Variants in TXLNB observed in about 807,000 individuals in gnomAD.
TXLNB encodes beta-taxilin.
Under a neutral mutation model 57.4 loss-of-function variants are expected in TXLNB, and 37 were observed. The ratio of observed to expected loss-of-function variants is 0.64; its 90% CI spans 0.50 to 0.85. The LOEUF is 0.85. TXLNB is among the 40% of genes least tolerant of loss of function. The pLI is 0.00. For missense variants in TXLNB, 848 were observed against 825.6 expected, an observed-to-expected ratio of 1.03 and a Z score of -0.33; for synonymous variants, 302 against 309.6, an observed-to-expected ratio of 0.98 and a Z score of 0.26.
the TXLNB span, among the ~76,000 whole-genome samples, chr6:139,308,631 T>G: frequency 2.6e-5 from 4 of 152,220 alleles, no homozygotes. Flanking sequence ...TTGTTCATAC[T>G]TACATTACAT....
intron 1 of TXLNB, 105 bp from the exon 2 acceptor site, chr6:139,289,018 T>G: frequency 1.2e-6 from 1 of 808,442 alleles, no homozygotes; most frequent in Non-Finnish European, 1.9e-6. Context: ...CAACTAATTA[T>G]AGTCTCTAAC....
upstream of TXLNB, among the ~76,000 whole-genome samples, chr6:139,295,450 A>G (rs956364559): frequency 1.3e-5 from 2 of 152,238 alleles, no homozygotes; most frequent in African/African-American, 4.8e-5. Context: ...ATCACAGGAA[A>G]ATAATTTGAA....
the TXLNB span, among the ~76,000 whole-genome samples, chr6:139,321,988 C>A: frequency 6.9e-6 from 1 of 145,778 alleles, no homozygotes; most frequent in Non-Finnish European, 1.5e-5. Context: ...TTAAGATAGG[C>A]AGAGTTTTAC....
the TXLNB span, among the ~76,000 whole-genome samples, chr6:139,299,860 A>G: frequency 6.6e-6 from 1 of 152,108 alleles, no homozygotes; most frequent in Admixed American, 6.5e-5. Flanking sequence ...AGACAGTACT[A>G]CTTGCCAATA....
At chr6:139,174,366 T>C in the TXLNB span, 1 of 1,607,904 alleles carries the variant, frequency 6.2e-7, no homozygotes, top group African/African-American at 1.3e-5. Context: ...ACTCAGAGCC[T>C]TGTGTCTTCT....
chr6:139,214,365 C>A, the TXLNB span, among the ~76,000 whole-genome samples: 8 of 152,252 alleles, frequency 5.3e-5, no homozygotes, highest in Admixed American at 5.2e-4. Flanking sequence ...CAAACAGAAC[C>A]AAAGACAAAA....
At chr6:139,201,536 C>T in the TXLNB span, 2 of 152,192 alleles carry the variant, frequency 1.3e-5, no homozygotes, top group African/African-American at 4.8e-5. Context: ...ACTGCTCCAA[C>T]ATGCCTCTGG....
the TXLNB span, among the ~76,000 whole-genome samples, chr6:139,182,734 G>A: frequency 4.6e-5 from 7 of 152,118 alleles, no homozygotes; most frequent in African/African-American, 1.7e-4. Context: ...TATTTTTAAG[G>A]CATATTTTTT....
rs888882143 is a variant in TXLNB at position 139,242,876 on chromosome 6, T to C, written c.1705A>G (p.Ser569Gly). 2 of 1,614,126 alleles carry C rather than the reference T, an allele frequency of 1.2e-6. No homozygotes were observed. Among genetic ancestry groups the C allele is most frequent in the African/African-American group, 1.3e-5 (1 of 75,034 alleles). ...LTPQAEAEGG[S>G]DAEPPSKASN... is the part of the protein sequence containing the mutation. ...GCCTTGGAGGGAGGTTCAGCATCAC[T>C]GCCTCCTTCGGCTTCAGCCTGAGGA... Residue 569 changes from serine (S) to glycine (G), a missense_variant, in exon 10 of 10, where the codon AGT becomes GGT. Physicochemically the swap from Ser to Gly is moderately conservative, Grantham distance 56 (BLOSUM62 0). Transcript: ENST00000358430.
the TXLNB span, among the ~76,000 whole-genome samples, chr6:139,193,998 C>CG: frequency 1.3e-5 from 2 of 150,506 alleles, no homozygotes; most frequent in South Asian, 4.2e-4. Flanking sequence ...CCCGCCACCA[C>CG]GCCCGGCCAA....
the TXLNB span, among the ~76,000 whole-genome samples, chr6:139,214,383 G>A: frequency 6.6e-6 from 1 of 152,166 alleles, no homozygotes; most frequent in African/African-American, 2.4e-5. Context: ...AAAACCACAT[G>A]ATTATCTCAA....
chr6:139,191,958 G>A, the TXLNB span, among the ~76,000 whole-genome samples: 1 of 152,174 alleles, frequency 6.6e-6, no homozygotes, highest in Non-Finnish European at 1.5e-5. Flanking sequence ...TCTTCTGTGA[G>A]CAGCTAAGCA....
At chr6:139,183,625 T>C in the TXLNB span, 18 of 152,192 alleles carry the variant, frequency 1.2e-4, no homozygotes, top group African/African-American at 2.2e-4. Context: ...TTACCAGATA[T>C]GTTAATAAGA....
the TXLNB span, among the ~76,000 whole-genome samples, chr6:139,221,605 G>A: frequency 0.015 from 2,313 of 152,128 alleles, 48 homozygotes; most frequent in African/African-American, 0.052. Context: ...ATGATCGGAC[G>A]TGGAGTTTAA....
At chr6:139,226,302 C>CAAAAA in the TXLNB span, among the ~76,000 whole-genome samples, 295 of 39,052 alleles carry the variant, frequency 7.6e-3, 19 homozygotes, top group East Asian at 8.5e-3. Flanking sequence ...GACCCTGTCT[C>CAAAAA]AAAAAAAAAA....
chr6:139,165,963 T>C, the TXLNB span: 5 of 238,416 alleles, frequency 2.1e-5, no homozygotes, highest in Non-Finnish European at 2.4e-5. Context: ...ATCCCTGCCA[T>C]TGGGTGTCAG....
At chr6:139,204,573 C>T in the TXLNB span, among the ~76,000 whole-genome samples, 1 of 152,108 alleles carries the variant, frequency 6.6e-6, no homozygotes, top group African/African-American at 2.4e-5. Flanking sequence ...GCATGAACTC[C>T]CTTGATCAGA....
At chr6:139,168,558 G>A in the TXLNB span, among the ~76,000 whole-genome samples, 2 of 151,132 alleles carry the variant, frequency 1.3e-5, no homozygotes, top group Non-Finnish European at 2.9e-5. Flanking sequence ...AATGCCCCTC[G>A]TGGAGACTCT....
chr6:139,287,865 C>T (rs1777212028), intron 2 of TXLNB, among the ~76,000 whole-genome samples: 1 of 130,902 alleles, frequency 7.6e-6, no homozygotes, highest in Non-Finnish European at 1.6e-5. Context: ...AATTAATTTA[C>T]ATGTCTTCTG....
Sources: gnomAD v4.1 joint callset for allele counts (sites outside exome capture counted in the v4.1 genomes callset) on GRCh38, gnomAD v4.1.1 for gene constraint, MANE v1.5 for transcripts, NCBI Gene and HGNC (gene_info 2026-07-23, HGNC 2026-07-21) for gene names.